Variants in GUCD1 observed in about 807,000 individuals in gnomAD.
The protein encoded by GUCD1 is protein GUCD1.
In GUCD1, 17 loss-of-function variants were observed where a neutral mutation model predicts 28.3. That is an observed-to-expected ratio of 0.60 (90% CI 0.41 to 0.90). GUCD1 has a LOEUF of 0.90. Ranked by LOEUF, GUCD1 falls within the 40% of genes least tolerant of loss-of-function variation. The pLI is 0.00. For missense variants in GUCD1, 279 were observed against 305.5 expected, an observed-to-expected ratio of 0.91 and a Z score of 0.65; for synonymous variants, 129 against 123.3, an observed-to-expected ratio of 1.05 and a Z score of -0.30.
At chr22:24,555,859 T>A (rs1199122430), upstream of GUCD1, 2 of 1,532,196 alleles carry the variant, frequency 1.3e-6, no homozygotes, top group Non-Finnish European at 1.8e-6. Flanking sequence ...ACTATCGTAC[T>A]GGTGCCCTAG....
chr22:24,544,273 G>GT (rs201321141), intron 4 of GUCD1, among the ~76,000 whole-genome samples, 190 bp from the exon 5 acceptor site: 2,038 of 151,724 alleles, frequency 0.013, 31 homozygotes, highest in African/African-American at 0.04. Context: ...CCGGTGGGGG[G>GT]GGTGTGTGTG....
chr22:24,554,883 C>A (rs1021188748), intron 1 of GUCD1, 66 bp downstream of exon 1: 2 of 1,333,138 alleles, frequency 1.5e-6, no homozygotes, highest in African/African-American at 3.0e-5. Context: ...CTGGACCCTG[C>A]CCCGCGCTAG....
chr22:24,540,708 A>G lies in GUCD1; in HGVS notation c.*2298T>C, dbSNP rs940749750. The G allele has an allele frequency of 6.6e-6, 1 of 152,128 alleles. No homozygotes were observed. Among genetic ancestry groups the G allele is most frequent in the African/African-American group, 2.4e-5 (1 of 41,314 alleles). The allele number at this position is 152,128 out of a possible 1,614,324, so 9.4% of individuals were successfully genotyped here. On this transcript the variant is annotated 3_prime_UTR_variant, in exon 6 of 6. Coordinates refer to ENST00000435822, the MANE Select transcript of GUCD1 (RefSeq NM_001284254.2). ...GCAAGAATGCAACACAGTGTGTCTT[A>G]CATCCTGCCTCTGTGACCCTCCCTA...
At position 24,555,089 on chromosome 22, in the gene GUCD1, C is replaced by T. The variant is rs1471988934; in HGVS notation, c.-98G>A. 6 of 1,313,942 alleles carry T rather than the reference C, an allele frequency of 4.6e-6. No individual in the cohort carries two copies. The East Asian group carries it at 1.2e-4, about 27-fold the overall frequency. The allele number at this position is 1,313,942 out of a possible 1,614,324, so 81.4% of individuals were successfully genotyped here. A position where few individuals can be genotyped will look rare whatever the true frequency, so the allele number is the denominator to read the frequency against. On this transcript the variant is annotated 5_prime_UTR_variant, in exon 1 of 6. Coordinates refer to ENST00000435822, the MANE Select transcript of GUCD1 (RefSeq NM_001284254.2). ...AGGGCGGTCGGTGCGTGTCGAGTTC[C>T]TTCTCCGCCACCGCCGCCGCTGCGG...
chr22:24,548,162 C>A (rs2044779660), intron 2 of GUCD1, 89 bp from the exon 3 acceptor site: 3 of 1,090,066 alleles, frequency 2.8e-6, no homozygotes, highest in Admixed American at 2.0e-5. Flanking sequence ...AGAGCCCCGT[C>A]ACAGGTCCCA....
chr22:24,553,594 C>G (rs1214133245), intron 1 of GUCD1, among the ~76,000 whole-genome samples: 3 of 152,250 alleles, frequency 2.0e-5, no homozygotes, highest in African/African-American at 7.2e-5. Flanking sequence ...GACTACAGCC[C>G]TCTGTGTGAG....
intron 4 of GUCD1, among the ~76,000 whole-genome samples, chr22:24,545,202 G>C (rs902502054): frequency 3.3e-5 from 5 of 152,112 alleles, no homozygotes; most frequent in African/African-American, 1.2e-4. Flanking sequence ...CCCAGCTTCA[G>C]CCACAGCTGA....
chr22:24,547,002 A>T lies in GUCD1; in HGVS notation c.298T>A (p.Phe100Ile), dbSNP rs1438108091. 6.2e-7 allele frequency: 1 copy of T among 1,613,626 alleles called. No individual in the cohort carries two copies. Among genetic ancestry groups the T allele is most frequent in the Admixed American group, 1.7e-5 (1 of 60,016 alleles). Residue 100 changes from phenylalanine to isoleucine, a missense_variant, in exon 4 of 6, where the codon TTC (phenylalanine) becomes ATC (isoleucine). Physicochemically the swap from Phe to Ile is conservative, Grantham distance 21. Transcript: ENST00000435822. ...GVDKGYKNQS[F>I]YRKHFDTEET... ...TCTGTGTCAAAGTGCTTCCTGTAGA[A>T]GGACTGAACAGAGAAGAGGGGGATG...
At chr22:24,555,235 C>T (rs2045020812), upstream of GUCD1, 2 of 1,324,362 alleles carry the variant, frequency 1.5e-6, no homozygotes, top group Non-Finnish European at 1.9e-6. Context: ...CTTAGAGGTC[C>T]CCAGCCTCTT....
At chr22:24,547,167 GCTGT>G (rs2044749423) in intron 3 of GUCD1, 162 bp from the exon 4 acceptor site, 3 of 622,660 alleles carry the variant, frequency 4.8e-6, no homozygotes, top group Non-Finnish European at 8.7e-6. Flanking sequence ...AGATCAGAAA[GCTGT>G]CTGTCCTAAG....
intron 4 of GUCD1, among the ~76,000 whole-genome samples, chr22:24,545,404 G>A (rs908322902): frequency 2.0e-5 from 3 of 152,130 alleles, no homozygotes; most frequent in Admixed American, 1.3e-4. Context: ...CATGGGTTCA[G>A]ATCATGGCAT....
chr22:24,544,119 G>GC, intron 4 of GUCD1, 36 bp from the exon 5 acceptor site: 1 of 1,593,818 alleles, frequency 6.3e-7, no homozygotes, highest in Non-Finnish European at 8.6e-7. Flanking sequence ...GTGCTGCTGG[G>GC]CCCCCATTCC....
upstream of GUCD1, chr22:24,555,782 T>C: frequency 6.5e-7 from 1 of 1,550,066 alleles, no homozygotes; most frequent in Non-Finnish European, 8.7e-7. Flanking sequence ...TCTGGCTCTT[T>C]GCCGGCCCCA....
chr22:24,544,269 G>A (rs958049308), intron 4 of GUCD1, among the ~76,000 whole-genome samples, 186 bp from the exon 5 acceptor site: 1 of 150,526 alleles, frequency 6.6e-6, no homozygotes, highest in Non-Finnish European at 1.5e-5. Flanking sequence ...GAGACCGGTG[G>A]GGGGGGTGTG....
At chr22:24,555,807 G>T, upstream of GUCD1, 2 of 1,547,832 alleles carry the variant, frequency 1.3e-6, no homozygotes, top group Non-Finnish European at 1.7e-6. Flanking sequence ...TCGTTGCGGC[G>T]GCCCCCGGGC....
In GUCD1 at chr22:24,540,493, TA is replaced by T. The variant is rs1296585648; in HGVS notation, c.*2512del. On this transcript the variant is annotated 3_prime_UTR_variant, in exon 6 of 6. Transcript: ENST00000435822. ...TGGCTCATTACAAACAAAATATATA[TA>T]AAATCTCTGCAATGCAAAAGATCCC... 6.6e-6 allele frequency: 1 copy of T among 152,182 alleles called. No individual in the cohort carries two copies. Among genetic ancestry groups the T allele is most frequent in the African/African-American group, 2.4e-5 (1 of 41,442 alleles). The allele number at this position is 152,182 out of a possible 1,614,324, so 9.4% of individuals were successfully genotyped here.
In GUCD1 at chr22:24,541,001, C is replaced by CG. The variant is rs1268226449; in HGVS notation, c.*2004_*2005insC. ...GGTTTCCTTCATACAGCTATTCTAA[C>CG]AATTTTACCAGAACACCACCTGAAG... On this transcript the variant is annotated 3_prime_UTR_variant, in exon 6 of 6. Coordinates refer to ENST00000435822, the MANE Select transcript of GUCD1 (RefSeq NM_001284254.2). 5.9e-6 allele frequency: 1 copy of CG among 169,900 alleles called. No individual in the cohort carries two copies. Among genetic ancestry groups the CG allele is most frequent in the Non-Finnish European group, 1.5e-5 (1 of 68,596 alleles). 10.5% of individuals were successfully genotyped at this position (169,900 alleles called of 1,614,324 possible).
In GUCD1 at chr22:24,541,557, A is replaced by G. The variant is rs1191200010; in HGVS notation, c.*1449T>C. ...GGCAGGAGGATCGCTTGAACCCAGG[A>G]GGCGGAGGTTGTAGTAAGCCAAGAT... On this transcript the variant is annotated 3_prime_UTR_variant, in exon 6 of 6. Transcript: ENST00000435822. 1 of 149,212 alleles carries G rather than the reference A, an allele frequency of 6.7e-6. No individual in the cohort carries two copies. The highest frequency in any genetic ancestry group is 1.5e-5 in the Non-Finnish European group (1 of 67,720). 9.2% of individuals were successfully genotyped at this position (149,212 alleles called of 1,614,324 possible).
At chr22:24,543,353 G>A (rs187205002) in intron 5 of GUCD1, among the ~76,000 whole-genome samples, 30 of 152,296 alleles carry the variant, frequency 2.0e-4, no homozygotes, top group Non-Finnish European at 3.8e-4. Context: ...CCACATAGAC[G>A]GGGTAAGTCT....
Sources: allele counts gnomAD v4.1 joint callset (sites outside exome capture counted in the v4.1 genomes callset), GRCh38; gene constraint gnomAD v4.1.1; transcripts MANE v1.5; gene names NCBI Gene and HGNC (gene_info 2026-07-23, HGNC 2026-07-21).